The following PSME3 variants were observed in gnomAD, a reference collection of about 807,000 sequenced individuals.
The protein encoded by PSME3 is proteasome activator subunit 3.
In PSME3, 7 loss-of-function variants were observed where a neutral mutation model predicts 38.3. The ratio of observed to expected loss-of-function variants is 0.18; its 90% CI spans 0.10 to 0.34. The LOEUF (loss-of-function observed/expected upper bound fraction) is 0.34. PSME3 is among the 10% of genes least tolerant of loss of function. PSME3 has a pLI of 1.00. For missense variants in PSME3, 192 were observed against 307.6 expected, an observed-to-expected ratio of 0.62 and a Z score of 2.81; for synonymous variants, 108 against 105.7, an observed-to-expected ratio of 1.02 and a Z score of -0.13.
In PSME3 at chr17:42,842,293, C is replaced by T. The variant is rs1418611980; in HGVS notation, c.*715C>T. ...CTAACATACCCTCCCTCTCCACAAC[C>T]CCTGTCACATACCTTTCAGGAGGTG... On this transcript the variant is annotated 3_prime_UTR_variant, in exon 11 of 11. Transcript: ENST00000590720. 6.5e-6 allele frequency: 1 copy of T among 152,798 alleles called. No individual in the cohort carries two copies. The highest frequency in any genetic ancestry group is 1.5e-5 in the Non-Finnish European group (1 of 68,088). The allele number at this position is 152,798 out of a possible 1,614,324, so 9.5% of individuals were successfully genotyped here.
intron 10 of PSME3, among the ~76,000 whole-genome samples, 200 bp downstream of exon 10, chr17:42,839,580 T>G (rs2055506572): frequency 6.6e-6 from 1 of 152,174 alleles, no homozygotes; most frequent in Non-Finnish European, 1.5e-5. Context: ...TGGAGGGGTG[T>G]GCAGTACAAT....
At position 42,842,100 on chromosome 17, in the gene PSME3, C is replaced by T. The variant is rs2144262159; in HGVS notation, c.*522C>T. 1 of 152,824 alleles carries T rather than the reference C, an allele frequency of 6.5e-6. No individual in the cohort carries two copies. Among genetic ancestry groups the T allele is most frequent in the Middle Eastern group, 3.4e-3 (1 of 296 alleles). The allele number at this position is 152,824 out of a possible 1,614,324, so 9.5% of individuals were successfully genotyped here. ...CTGGTGATGACTTAGGGCTTCCCAT[C>T]TGTGTACATCCCACTTTGAATCTTG... On this transcript the variant is annotated 3_prime_UTR_variant, in exon 11 of 11. Coordinates refer to ENST00000590720, the MANE Select transcript of PSME3 (RefSeq NM_005789.4).
chr17:42,834,101 C>G (rs959172661), intron 1 of PSME3: 10 of 1,453,038 alleles, frequency 6.9e-6, no homozygotes, highest in Admixed American at 5.6e-5. Context: ...CAGACAGCTT[C>G]AGACACAGGA....
chr17:42,839,788 G>C (rs867605173), intron 10 of PSME3, among the ~76,000 whole-genome samples: 8 of 152,276 alleles, frequency 5.3e-5, no homozygotes, highest in Middle Eastern at 3.4e-3. Context: ...CCTGAGGTCA[G>C]GAGTTCGAGA....
chr17:42,839,952 C>G (rs2144255826), intron 10 of PSME3, among the ~76,000 whole-genome samples: 1 of 150,902 alleles, frequency 6.6e-6, no homozygotes, highest in African/African-American at 2.4e-5. Context: ...GCCAAGATTG[C>G]TCCATTGCAC....
At chr17:42,833,923 T>C in intron 1 of PSME3, 1 of 1,443,520 alleles carries the variant, frequency 6.9e-7, no homozygotes, top group East Asian at 2.5e-5. Flanking sequence ...CTCAGGGCTT[T>C]AGGCCCGTGA....
chr17:42,837,168 A>C (rs933349530), intron 4 of PSME3, among the ~76,000 whole-genome samples: 6 of 152,104 alleles, frequency 3.9e-5, no homozygotes, highest in Non-Finnish European at 8.8e-5. Context: ...TCTCTGCATC[A>C]GCCTCCCAAG....
At chr17:42,838,629 T>C in intron 6 of PSME3, 102 bp from the exon 7 acceptor site, 1 of 1,156,416 alleles carries the variant, frequency 8.6e-7, no homozygotes, top group Non-Finnish European at 1.3e-6. Flanking sequence ...GACTAGGTAT[T>C]TTGACTTCTG....
At chr17:42,835,229 G>T (rs2055447585) in intron 4 of PSME3, among the ~76,000 whole-genome samples, 1 of 151,958 alleles carries the variant, frequency 6.6e-6, no homozygotes, top group Non-Finnish European at 1.5e-5. Flanking sequence ...TAGAGATGGG[G>T]TTTCACCATG....
intron 1 of PSME3, chr17:42,833,988 C>T (rs1211492137): frequency 1.4e-6 from 2 of 1,436,394 alleles, no homozygotes; most frequent in Admixed American, 2.9e-5. Context: ...CTGCCCTTGG[C>T]GGCTGGCCTG....
chr17:42,839,301 A>G lies in PSME3; in HGVS notation c.605A>G (p.Tyr202Cys), dbSNP rs1187140174. The G allele has an allele frequency of 8.7e-6, 14 of 1,613,434 alleles. No homozygotes were observed. Among genetic ancestry groups the G allele is most frequent in the Middle Eastern group, 1.6e-4 (1 of 6,076 alleles). ...CCTGTACCCTCCTTGCAGGAGGACT[A>G]TCGCCGCACCGTGACAGAGATTGAT... The part of the protein sequence containing the change: ...KIAKYPHVED[Y>C]RRTVTEIDEK... Residue 202 changes from tyrosine (Y) to cysteine (C), a missense_variant, in exon 10 of 11, where the codon TAT becomes TGT. By Grantham distance (194) the Tyr-to-Cys change is radical. This residue lies in a region of PSME3 where 82 missense variants were observed against 168.2 expected (regional missense o/e 0.49). Coordinates refer to ENST00000590720, the MANE Select transcript of PSME3 (RefSeq NM_005789.4).
At chr17:42,839,569 G>GT (rs1457909826) in intron 10 of PSME3, among the ~76,000 whole-genome samples, 189 bp downstream of exon 10, 1 of 152,196 alleles carries the variant, frequency 6.6e-6, no homozygotes, top group Non-Finnish European at 1.5e-5. Flanking sequence ...TTCTACCTGA[G>GT]TGGAGGGGTG....
chr17:42,833,398 C>G lies in PSME3; in HGVS notation c.-234C>G, dbSNP rs1259801572. 3 of 597,650 alleles carry G rather than the reference C, an allele frequency of 5.0e-6. No individual in the cohort carries two copies. The highest frequency in any genetic ancestry group is 8.9e-6 in the Non-Finnish European group (3 of 335,368). 37.0% of individuals were successfully genotyped at this position (597,650 alleles called of 1,614,324 possible). On this transcript the variant is annotated 5_prime_UTR_variant, in exon 1 of 11. Transcript: ENST00000590720. ...GGAGTCTCGGCGATTGGCTGTGACG[C>G]AGTTTCCGGCGTGAGCGGCGAAAGC... is the stretch of plus-strand genomic sequence containing the variant.
chr17:42,835,844 G>A (rs1292497545), intron 4 of PSME3, among the ~76,000 whole-genome samples: 1 of 152,002 alleles, frequency 6.6e-6, no homozygotes, highest in African/African-American at 2.4e-5. Flanking sequence ...TGCAGTTCTC[G>A]CTATGTAACT....
Position 42,842,919 on chromosome 17 carries a change from C to T in PSME3, c.*1341C>T, listed in dbSNP as rs1438709753. 2.6e-5 allele frequency: 4 copies of T among 152,782 alleles called. No individual in the cohort carries two copies. The highest frequency in any genetic ancestry group is 6.5e-5 in the Admixed American group (1 of 15,280). 9.5% of individuals were successfully genotyped at this position (152,782 alleles called of 1,614,324 possible). ...ATTTTTCCTGTCTCTGTCTTCCAAC[C>T]CCCAATAATATTTCCACCGGGGATG... On this transcript the variant is annotated 3_prime_UTR_variant, in exon 11 of 11. Transcript: ENST00000590720.
At chr17:42,839,795 G>A (rs1216268893) in intron 10 of PSME3, among the ~76,000 whole-genome samples, 5 of 151,988 alleles carry the variant, frequency 3.3e-5, no homozygotes, top group Admixed American at 6.6e-5. Flanking sequence ...TCAGGAGTTC[G>A]AGACCAGCCT....
intron 1 of PSME3, 155 bp downstream of exon 1, chr17:42,833,828 G>T (rs1358933395): frequency 6.4e-7 from 1 of 1,550,500 alleles, no homozygotes; most frequent in African/African-American, 1.4e-5. Flanking sequence ...GGTCGGCTTC[G>T]CGGGAGAGGA....
Position 42,842,609 on chromosome 17 carries a change from CTTTA to C in PSME3, c.*1037_*1040del, listed in dbSNP as rs2055547406. The C allele has an allele frequency of 6.5e-6, 1 of 152,684 alleles. No individual in the cohort carries two copies. The highest frequency in any genetic ancestry group is 1.9e-4 in the East Asian group (1 of 5,328). 9.5% of individuals were successfully genotyped at this position (152,684 alleles called of 1,614,324 possible). A position where few individuals can be genotyped will look rare whatever the true frequency, so the allele number is the denominator to read the frequency against. On this transcript the variant is annotated 3_prime_UTR_variant, in exon 11 of 11. Coordinates refer to ENST00000590720, the MANE Select transcript of PSME3 (RefSeq NM_005789.4). ...GGCTTTCCTTTTGGGAACTATTTCT[CTTTA>C]TTTATAGTGTCGGGCTTCCGGGGAA...
At chr17:42,834,901 T>C (rs2055443563) in intron 4 of PSME3, 25 bp downstream of exon 4, 2 of 1,612,744 alleles carry the variant, frequency 1.2e-6, no homozygotes, top group South Asian at 2.2e-5. Context: ...TTTATCTTTG[T>C]GTTCTTGAGC....
Sources: allele counts gnomAD v4.1 joint callset (sites outside exome capture counted in the v4.1 genomes callset), GRCh38; gene constraint gnomAD v4.1.1; regional missense constraint gnomAD v4.1.1; transcripts MANE v1.5; gene names NCBI Gene and HGNC (gene_info 2026-07-23, HGNC 2026-07-21).